NALF1: variants seen among roughly 807,000 people sequenced by gnomAD.
NALF1 encodes NALCN channel auxiliary factor 1, also known as family with sequence similarity 155 member A.
Under a neutral mutation model 48.4 loss-of-function variants are expected in NALF1, and 3 were observed. The observed-to-expected ratio is 0.06, with a 90% CI of 0.03 to 0.16. The LOEUF (loss-of-function observed/expected upper bound fraction) is 0.16. NALF1 is among the 10% of genes least tolerant of loss of function. NALF1 has a pLI of 1.00. For synonymous variants in NALF1, 262 were observed against 245.7 expected (o/e 1.07, Z -0.62); for missense variants, 526 against 571.5 (o/e 0.92, Z 0.81).
At position 107,271,806 on chromosome 13, in the gene NALF1, A is replaced by T. The variant is rs1022834469; in HGVS notation, c.916-61051T>A. The stretch of plus-strand genomic sequence containing the variant: ...TATATATATATATATATATATATAT[A>T]TATATATATATTTATATATTTATAT... On this transcript the variant is annotated intron_variant, in intron 1 of 2. Coordinates refer to ENST00000375915, the MANE Select transcript of NALF1 (RefSeq NM_001080396.3). 2.1e-3 allele frequency among the ~76,000 whole-genome samples: 52 copies of T among 25,228 alleles called. 1 individual carries two copies. In the South Asian group the frequency reaches 0.06, roughly 29 times the overall value. The allele number at this position is 25,228 out of a possible 152,430, so 16.6% of individuals were successfully genotyped here. A position where few individuals can be genotyped will look rare whatever the true frequency, so the allele number is the denominator to read the frequency against.
rs77817119 is a variant in NALF1 at position 107,783,259 on chromosome 13, C to T, written c.915+82423G>A. Among the ~76,000 whole-genome samples, 8 of 44,010 alleles carry T rather than the reference C, an allele frequency of 1.8e-4. 1 individual carries two copies. The highest frequency in any genetic ancestry group is 4.3e-4 in the African/African-American group (4 of 9,296). The allele number at this position is 44,010 out of a possible 152,430, so 28.9% of individuals were successfully genotyped here. A position where few individuals can be genotyped will look rare whatever the true frequency, so the allele number is the denominator to read the frequency against. On this transcript the variant is annotated intron_variant, in intron 1 of 2. Coordinates refer to ENST00000375915, the MANE Select transcript of NALF1 (RefSeq NM_001080396.3). ...GAGGTGGGGGGGTCAGCCCCCCGCC[C>T]GGCCAGTCGCCCCGTCCGGGAGGTG... is the stretch of plus-strand genomic sequence containing the variant.
intron 1 of NALF1, among the ~76,000 whole-genome samples, chr13:107,245,663 A>G (rs373196428): frequency 1.3e-5 from 2 of 152,354 alleles, no homozygotes; most frequent in African/African-American, 4.8e-5. Flanking sequence ...TATCGATTAA[A>G]AGAGCCTATC....
In NALF1 at chr13:107,166,361, A is replaced by C. The variant is rs1878658654; in HGVS notation, c.*4136T>G. Reference sequence around the variant, plus strand: ...CTTGAACCCAGGAAGTGGAGGTTGCAGTGAGCAGAGATCTTGCCGCTGCAT... The same window carrying C: ...CTTGAACCCAGGAAGTGGAGGTTGCCGTGAGCAGAGATCTTGCCGCTGCAT... On this transcript the variant is annotated 3_prime_UTR_variant, in exon 3 of 3. Coordinates refer to ENST00000375915, the MANE Select transcript of NALF1 (RefSeq NM_001080396.3). 6.6e-6 allele frequency: 1 copy of C among 152,272 alleles called. No individual in the cohort carries two copies. Among genetic ancestry groups the C allele is most frequent in the Non-Finnish European group, 1.5e-5 (1 of 68,082 alleles). 9.4% of individuals were successfully genotyped at this position (152,272 alleles called of 1,614,324 possible).
chr13:107,706,427 T>G (rs1362330598), intron 1 of NALF1, among the ~76,000 whole-genome samples: 1 of 152,206 alleles, frequency 6.6e-6, no homozygotes, highest in Admixed American at 6.5e-5. Flanking sequence ...TATAGTATAT[T>G]AAGATTTCTC....
At chr13:107,527,707 A>C (rs1876491649) in intron 1 of NALF1, among the ~76,000 whole-genome samples, 1 of 152,036 alleles carries the variant, frequency 6.6e-6, no homozygotes, top group South Asian at 2.1e-4. Flanking sequence ...TTCTCCTGGG[A>C]GTGAATAAGT....
intron 1 of NALF1, among the ~76,000 whole-genome samples, chr13:107,455,482 T>C (rs978798984): frequency 6.6e-6 from 1 of 152,226 alleles, no homozygotes; most frequent in Non-Finnish European, 1.5e-5. Context: ...CTATCTGCTA[T>C]GAACATCCCA....
intron 1 of NALF1, among the ~76,000 whole-genome samples, chr13:107,556,312 CACACACATATATATATATACACACACAT>C (rs1389436328): frequency 6.7e-6 from 1 of 148,942 alleles, no homozygotes. Flanking sequence ...CACACACACA[CACACACATATATATATATACACACACAT>C]ATATATATAT....
At chr13:107,608,617 T>C (rs970636373) in intron 1 of NALF1, among the ~76,000 whole-genome samples, 2 of 152,128 alleles carry the variant, frequency 1.3e-5, no homozygotes, top group Non-Finnish European at 2.9e-5. Context: ...CTTGGTGACA[T>C]ACAGCTAATT....
At chr13:107,442,466 C>G (rs1351141085) in intron 1 of NALF1, among the ~76,000 whole-genome samples, 1 of 152,150 alleles carries the variant, frequency 6.6e-6, no homozygotes, top group Non-Finnish European at 1.5e-5. Flanking sequence ...CTGGGAGTAT[C>G]TTTCAATTTT....
intron 1 of NALF1, among the ~76,000 whole-genome samples, chr13:107,359,747 A>C (rs1883028160): frequency 6.6e-6 from 1 of 152,082 alleles, no homozygotes; most frequent in Non-Finnish European, 1.5e-5. Context: ...TAAATCAAAG[A>C]GCGCTTAAGG....
At chr13:107,852,276 A>C (rs1880339690) in intron 1 of NALF1, among the ~76,000 whole-genome samples, 2 of 152,282 alleles carry the variant, frequency 1.3e-5, no homozygotes, top group East Asian at 3.9e-4. Flanking sequence ...GAAATGCTTG[A>C]TGACTTACTC....
chr13:107,308,852 G>C (rs1461133057), intron 1 of NALF1, among the ~76,000 whole-genome samples: 1 of 152,214 alleles, frequency 6.6e-6, no homozygotes, highest in Non-Finnish European at 1.5e-5. Context: ...ATAACCTATA[G>C]GTTGTTTTTC....
In NALF1 at chr13:107,481,323, C is replaced by T. The variant is rs140515362; in HGVS notation, c.916-270568G>A. 2.0e-3 allele frequency among the ~76,000 whole-genome samples: 303 copies of T among 152,244 alleles called. 1 individual carries two copies. The highest frequency in any genetic ancestry group is 6.3e-3 in the African/African-American group (260 of 41,560). ...CCTAAAATGCCGAATAAATGACATACTATCTTGAAACAGTTTGCTAACGAT... is the reference window on the plus strand; with the variant it reads ...CCTAAAATGCCGAATAAATGACATATTATCTTGAAACAGTTTGCTAACGAT... On this transcript the variant is annotated intron_variant, in intron 1 of 2. Coordinates refer to ENST00000375915, the MANE Select transcript of NALF1 (RefSeq NM_001080396.3).
intron 1 of NALF1, among the ~76,000 whole-genome samples, chr13:107,374,743 G>A (rs1473752225): frequency 6.6e-6 from 1 of 152,082 alleles, no homozygotes; most frequent in Non-Finnish European, 1.5e-5. Context: ...ATGGATTAAT[G>A]TCATTATCAT....
At chr13:107,414,129 G>A (rs12870075) in intron 1 of NALF1, among the ~76,000 whole-genome samples, 33,013 of 151,924 alleles carry the variant, frequency 0.22, 4,075 homozygotes, top group Middle Eastern at 0.28. Flanking sequence ...TAGTCAAAAC[G>A]ATCTATTAAA....
chr13:107,684,394 G>A (rs1739567682), intron 1 of NALF1, among the ~76,000 whole-genome samples: 1 of 152,154 alleles, frequency 6.6e-6, no homozygotes, highest in Non-Finnish European at 1.5e-5. Flanking sequence ...AAGCTGAGAG[G>A]ATCTCAGTCT....
chr13:107,746,214 G>C (rs1012135303), intron 1 of NALF1, among the ~76,000 whole-genome samples: 3 of 152,124 alleles, frequency 2.0e-5, no homozygotes, highest in African/African-American at 7.2e-5. Context: ...AGGACACGTT[G>C]GCTTCCTCTT....
chr13:107,809,317 T>A (rs1260909707), intron 1 of NALF1, among the ~76,000 whole-genome samples: 1 of 152,096 alleles, frequency 6.6e-6, no homozygotes. Flanking sequence ...CCTCCTCTTG[T>A]GCAATCGTTG....
chr13:107,855,269 T>C (rs1470447300), intron 1 of NALF1, among the ~76,000 whole-genome samples: 1 of 152,214 alleles, frequency 6.6e-6, no homozygotes, highest in Non-Finnish European at 1.5e-5. Context: ...TACACCAAGA[T>C]TGTCCAACCC....
Sources: allele counts gnomAD v4.1 joint callset (sites outside exome capture counted in the v4.1 genomes callset), GRCh38; gene constraint gnomAD v4.1.1; transcripts MANE v1.5; gene names NCBI Gene and HGNC (gene_info 2026-07-23, HGNC 2026-07-21).